Variants in HSF1 observed in about 807,000 individuals in gnomAD.
The protein encoded by HSF1 is heat shock factor protein 1.
HSF1 carries 32 observed loss-of-function variants against 51.7 expected under a neutral mutation model. The observed-to-expected ratio is 0.62, with a 90% confidence interval of 0.47 to 0.83. HSF1 has a LOEUF of 0.83. Among genes scored for constraint, HSF1 ranks in the 40% least tolerant of loss-of-function variants. HSF1 has a pLI of 0.00. For missense variants in HSF1, 727 were observed against 717.0 expected (o/e 1.01, Z -0.16); for synonymous variants, 396 against 309.7 (o/e 1.28, Z -2.92).
intron 1 of HSF1, among the ~76,000 whole-genome samples, chr8:144,295,902 C>T (rs531509849): frequency 2.0e-5 from 3 of 152,236 alleles, no homozygotes; most frequent in African/African-American, 4.8e-5. Context: ...ATTCGGATGG[C>T]GCTGGGAGTG....
At chr8:144,305,009 G>A (rs534918360) in intron 1 of HSF1, among the ~76,000 whole-genome samples, 2,675 of 151,376 alleles carry the variant, frequency 0.018, 33 homozygotes, top group Non-Finnish European at 0.027. Flanking sequence ...GTGCAGTGGG[G>A]TGATCTCGGC....
chr8:144,305,469 T>C (rs1251531867), intron 1 of HSF1, among the ~76,000 whole-genome samples: 1 of 151,522 alleles, frequency 6.6e-6, no homozygotes, highest in African/African-American at 2.4e-5. Context: ...CCAACTAATT[T>C]TTTTTGTATT....
At chr8:144,298,305 A>G (rs1300683723) in intron 1 of HSF1, among the ~76,000 whole-genome samples, 1 of 152,162 alleles carries the variant, frequency 6.6e-6, no homozygotes, top group Non-Finnish European at 1.5e-5. Flanking sequence ...TTCAGACGTT[A>G]CAAAACTAGG....
intron 12 of HSF1, 29 bp from the exon 13 acceptor site, chr8:144,314,096 C>A: frequency 1.3e-6 from 2 of 1,536,168 alleles, no homozygotes; most frequent in East Asian, 2.4e-5. Flanking sequence ...CCCCAACCCC[C>A]CACCGCCTTG....
chr8:144,311,277 G>A, intron 5 of HSF1, 28 bp downstream of exon 5: 1 of 1,612,302 alleles, frequency 6.2e-7, no homozygotes, highest in Non-Finnish European at 8.5e-7. Context: ...GGGCCGGCGG[G>A]GGCCCCACAA....
chr8:144,312,105 C>T lies in HSF1; in HGVS notation c.1003C>T (p.Leu335=). 6.2e-7 allele frequency: 1 copy of T among 1,612,486 alleles called. No homozygotes were observed. The highest frequency in any genetic ancestry group is 1.1e-5 in the South Asian group (1 of 91,086). The part of the protein sequence containing the change: ...LSPTALIDSI[L]RESEPAPASV... ...CCCGACCGCCCTCATTGACTCCATCCTGCGGGAGAGTGAACCTGCCCCCGC... is the reference window on the plus strand; with the variant it reads ...CCCGACCGCCCTCATTGACTCCATCTTGCGGGAGAGTGAACCTGCCCCCGC... Residue 335 remains leucine (L), a synonymous_variant, in exon 9 of 13, where the codon CTG becomes TTG. Coordinates refer to ENST00000528838, the MANE Select transcript of HSF1 (RefSeq NM_005526.4).
intron 9 of HSF1, chr8:144,312,845 G>A: frequency 1.3e-6 from 1 of 762,316 alleles, no homozygotes; most frequent in East Asian, 2.7e-5. Context: ...ACCCCTCTGT[G>A]GCGGGGGCTC....
intron 9 of HSF1, 69 bp from the exon 10 acceptor site, chr8:144,313,442 C>A (rs1816823893): frequency 2.9e-6 from 3 of 1,040,512 alleles, no homozygotes; most frequent in Non-Finnish European, 4.5e-6. Flanking sequence ...GGGAGCCCTT[C>A]TCCCACAGGA....
intron 1 of HSF1, among the ~76,000 whole-genome samples, chr8:144,293,040 T>C (rs1366896102): frequency 1.3e-5 from 2 of 152,236 alleles, no homozygotes; most frequent in African/African-American, 4.8e-5. Flanking sequence ...CAAGCATGTG[T>C]GGCCTCCCAG....
intron 1 of HSF1, among the ~76,000 whole-genome samples, chr8:144,304,900 A>G (rs1554843022): frequency 6.6e-6 from 1 of 150,674 alleles, no homozygotes; most frequent in East Asian, 2.0e-4. Context: ...CAGCCTCCCA[A>G]AGTGTTGGGA....
intron 2 of HSF1, 198 bp from the exon 3 acceptor site, chr8:144,309,257 C>T (rs940313962): frequency 2.5e-5 from 18 of 712,182 alleles, no homozygotes; most frequent in East Asian, 8.1e-5. Flanking sequence ...CCACGTGTGT[C>T]GGGCGCAGGG....
In HSF1 at chr8:144,311,486, CCTG is replaced by C. The variant is rs1253952369; in HGVS notation, c.627-17_627-15del. On this transcript the variant is annotated splice_polypyrimidine_tract_variant and intron_variant, in intron 6 of 12. Coordinates refer to ENST00000528838, the MANE Select transcript of HSF1 (RefSeq NM_005526.4). Reference sequence around the variant, plus strand: ...CCCCGAGGTGGGGGGTGGTGGCTGACCTGCACCCTTCCCCACAGCCCCCTGATG... The same window carrying C: ...CCCCGAGGTGGGGGGTGGTGGCTGACCACCCTTCCCCACAGCCCCCTGATG... 1.9e-6 allele frequency: 3 copies of C among 1,613,062 alleles called. No homozygotes were observed. The African/African-American group carries it at 4.0e-5, about 22-fold the overall frequency.
rs144525143 is a variant in HSF1 at position 144,301,894 on chromosome 8, G to A, written c.118-7012G>A. ...AAAATAAAAAGCATCCAGAAGAGCCGTGCACGGTGGTGGTGCCTGTGGTGC... is the reference window on the plus strand; with the variant it reads ...AAAATAAAAAGCATCCAGAAGAGCCATGCACGGTGGTGGTGCCTGTGGTGC... On this transcript the variant is annotated intron_variant, in intron 1 of 12. Transcript: ENST00000528838. 1.8e-3 allele frequency among the ~76,000 whole-genome samples: 277 copies of A among 151,656 alleles called. 1 individual carries two copies. Among genetic ancestry groups the A allele is most frequent in the African/African-American group, 5.6e-3 (232 of 41,356 alleles).
intron 1 of HSF1, among the ~76,000 whole-genome samples, chr8:144,295,951 T>A (rs149048784): frequency 6.6e-6 from 1 of 152,182 alleles, no homozygotes; most frequent in Non-Finnish European, 1.5e-5. Flanking sequence ...TGCTTCTCTG[T>A]CTTCACCTGG....
At chr8:144,308,716 A>G (rs1816392089) in intron 1 of HSF1, among the ~76,000 whole-genome samples, 190 bp from the exon 2 acceptor site, 1 of 152,188 alleles carries the variant, frequency 6.6e-6, no homozygotes, top group East Asian at 1.9e-4. Flanking sequence ...TGCACAGATG[A>G]GGCCCGTGTG....
intron 1 of HSF1, among the ~76,000 whole-genome samples, chr8:144,304,146 G>A (rs376804238): frequency 7.4e-4 from 27 of 36,524 alleles, no homozygotes; most frequent in African/African-American, 2.5e-3. Context: ...GAATTGAGGG[G>A]AGAAGGGTCC....
In HSF1 at chr8:144,309,875, C is replaced by T. The variant is rs782575643; in HGVS notation, c.467C>T (p.Ser156Phe). Residue 156 changes from serine to phenylalanine, a missense_variant, in exon 4 of 13, where the codon TCC becomes TTC. Physicochemically the swap from Ser to Phe is radical, Grantham distance 155. Around this residue, in one of 2 missense-constraint regions of HSF1, gnomAD observed 257 missense variants for 318.3 expected, o/e 0.81. Transcript: ENST00000528838. ...LMKGKQECMD[S>F]KLLAMKHENE... ...AAGGGGAAGCAGGAGTGCATGGACT[C>T]CAAGCTCCTGGCCATGAAGCAGTAG... is the stretch of plus-strand genomic sequence containing the variant. 6.2e-7 allele frequency: 1 copy of T among 1,613,806 alleles called. No individual in the cohort carries two copies.
intron 1 of HSF1, among the ~76,000 whole-genome samples, chr8:144,292,192 A>G (rs1432580785): frequency 2.6e-5 from 4 of 152,244 alleles, no homozygotes; most frequent in African/African-American, 9.6e-5. Flanking sequence ...GTCCGCGCTT[A>G]GGGCAAGCAC....
At chr8:144,301,672 C>T (rs757991454) in intron 1 of HSF1, among the ~76,000 whole-genome samples, 1 of 152,076 alleles carries the variant, frequency 6.6e-6, no homozygotes, top group South Asian at 2.1e-4. Flanking sequence ...CGAGACCATC[C>T]TGGCTAATAC....
Sources: allele counts gnomAD v4.1 joint callset (sites outside exome capture counted in the v4.1 genomes callset), GRCh38; gene constraint gnomAD v4.1.1; regional missense constraint gnomAD v4.1.1; transcripts MANE v1.5; gene names NCBI Gene and HGNC (gene_info 2026-07-23, HGNC 2026-07-21).